The following VRK1 variants were observed in gnomAD, a reference collection of about 807,000 sequenced individuals.
VRK1 encodes serine/threonine-protein kinase VRK1.
A neutral mutation model predicts 57.1 loss-of-function variants in VRK1; 33 were observed. That is an observed-to-expected ratio of 0.58 (90% CI 0.44 to 0.77). The LOEUF (loss-of-function observed/expected upper bound fraction) is 0.77, where lower values mean the gene tolerates loss of function less well. Ranked by LOEUF, VRK1 falls within the 30% of genes least tolerant of loss-of-function variation. VRK1 has a pLI of 0.00. For synonymous variants in VRK1, 137 were observed against 147.8 expected (o/e 0.93, Z 0.53); for missense variants, 413 against 477.3 (o/e 0.87, Z 1.25).
At chr14:96,861,828 CTG>C (rs146194963) in intron 11 of VRK1, among the ~76,000 whole-genome samples, 9,676 of 152,050 alleles carry the variant, frequency 0.064, 348 homozygotes, top group South Asian at 0.11. Flanking sequence ...GTGCTGAAAA[CTG>C]TATCTGTTTG....
chr14:96,802,709 AT>A (rs1198134177), intron 1 of VRK1, among the ~76,000 whole-genome samples: 2 of 152,224 alleles, frequency 1.3e-5, no homozygotes, highest in African/African-American at 4.8e-5. Flanking sequence ...AAAAGCTGAC[AT>A]TTCAATAAGT....
chr14:96,826,265 A>G (rs1024229500), intron 1 of VRK1, among the ~76,000 whole-genome samples: 1 of 152,222 alleles, frequency 6.6e-6, no homozygotes, highest in African/African-American at 2.4e-5. Flanking sequence ...ATTGTTGCAG[A>G]TATAAAAGTT....
chr14:96,862,328 A>G (rs115302031), intron 11 of VRK1, among the ~76,000 whole-genome samples: 2,252 of 152,298 alleles, frequency 0.015, 64 homozygotes, highest in African/African-American at 0.051. Flanking sequence ...AAAAAAATGA[A>G]TACTAAGTTG....
At chr14:96,847,151 T>G in intron 4 of VRK1, 106 bp from the exon 5 acceptor site, 2 of 819,180 alleles carry the variant, frequency 2.4e-6, no homozygotes, top group Non-Finnish European at 4.1e-6. Flanking sequence ...TGAATACAGG[T>G]GAATTCTTAT....
intron 1 of VRK1, among the ~76,000 whole-genome samples, chr14:96,832,178 G>A (rs1189958234): frequency 2.0e-5 from 3 of 152,040 alleles, no homozygotes; most frequent in Non-Finnish European, 4.4e-5. Flanking sequence ...TTGTGTATTT[G>A]GAGTGATAGT....
At chr14:96,818,317 CTATACCAAAACATTT>C (rs1191773678) in intron 1 of VRK1, among the ~76,000 whole-genome samples, 1 of 152,178 alleles carries the variant, frequency 6.6e-6, no homozygotes, top group Non-Finnish European at 1.5e-5. Context: ...ATTTTACTCA[CTATACCAAAACATTT>C]TATAACCTAA....
chr14:96,815,718 A>C (rs1400213986), intron 1 of VRK1, among the ~76,000 whole-genome samples: 2 of 151,040 alleles, frequency 1.3e-5, no homozygotes, highest in Non-Finnish European at 2.9e-5. Flanking sequence ...ACCTCACTCT[A>C]CTAAAAAAAA....
intron 1 of VRK1, among the ~76,000 whole-genome samples, chr14:96,813,420 A>G (rs1318085143): frequency 6.6e-6 from 1 of 152,172 alleles, no homozygotes; most frequent in Non-Finnish European, 1.5e-5. Flanking sequence ...AATCTAGAAG[A>G]TAGTCTCATT....
At chr14:96,846,913 A>T (rs1202810631) in intron 4 of VRK1, among the ~76,000 whole-genome samples, 1 of 151,970 alleles carries the variant, frequency 6.6e-6, no homozygotes, top group Non-Finnish European at 1.5e-5. Context: ...GAGGGACTTG[A>T]GCATCTGGAT....
intron 2 of VRK1, among the ~76,000 whole-genome samples, chr14:96,834,852 T>C (rs1251620120): frequency 6.6e-6 from 1 of 152,172 alleles, no homozygotes; most frequent in Non-Finnish European, 1.5e-5. Context: ...ATTTTTGATC[T>C]TGTGATGGAG....
chr14:96,797,564 G>C (rs1214556052), intron 1 of VRK1, 117 bp downstream of exon 1: 1 of 151,798 alleles, frequency 6.6e-6, no homozygotes, highest in African/African-American at 2.4e-5. Flanking sequence ...TGGGTCCACC[G>C]GGGTGCGGGA....
chr14:96,860,503 G>T, intron 10 of VRK1, 54 bp from the exon 11 acceptor site: 1 of 1,499,798 alleles, frequency 6.7e-7, no homozygotes, highest in Admixed American at 1.9e-5. Flanking sequence ...ATTTTTTTTA[G>T]AGGTTAGAGA....
chr14:96,880,280 T>G (rs1300235952), intron 12 of VRK1, among the ~76,000 whole-genome samples: 3 of 152,202 alleles, frequency 2.0e-5, no homozygotes, highest in Admixed American at 2.0e-4. Flanking sequence ...CAAAGAATGT[T>G]TCGTACTTTT....
intron 11 of VRK1, among the ~76,000 whole-genome samples, chr14:96,868,668 C>G (rs1888680707): frequency 6.6e-6 from 1 of 151,922 alleles, no homozygotes; most frequent in Non-Finnish European, 1.5e-5. Context: ...TGAATGGTGC[C>G]CAGCAGAATT....
chr14:96,830,251 A>G (rs1886952126), intron 1 of VRK1, among the ~76,000 whole-genome samples: 1 of 152,120 alleles, frequency 6.6e-6, no homozygotes, highest in African/African-American at 2.4e-5. Flanking sequence ...TGTTTAAATG[A>G]AGTTCAGGAA....
At chr14:96,819,128 C>T (rs1362700882) in intron 1 of VRK1, among the ~76,000 whole-genome samples, 1 of 152,164 alleles carries the variant, frequency 6.6e-6, no homozygotes, top group African/African-American at 2.4e-5. Context: ...TGTAGTTTGG[C>T]AGGAGGCCAG....
At chr14:96,843,452 T>C (rs898624066) in intron 3 of VRK1, among the ~76,000 whole-genome samples, 22 of 152,234 alleles carry the variant, frequency 1.4e-4, no homozygotes, top group Admixed American at 2.0e-4. Flanking sequence ...ACTGATGTTA[T>C]GAGAAGTGAC....
At chr14:96,828,615 C>T (rs371645224) in intron 1 of VRK1, among the ~76,000 whole-genome samples, 16 of 152,046 alleles carry the variant, frequency 1.1e-4, no homozygotes, top group African/African-American at 3.9e-4. Context: ...AGTCTTGTTC[C>T]TAAATAAAAT....
In VRK1 at chr14:96,876,113, A is replaced by G; in HGVS notation, c.1152A>G (p.Ile384Met). ...EWSNTQTEEA[I>M]QTRSRTRKRV... ...CAAACACACAGACAGAGGAGGCCAT[A>G]CAGACCCGTAAGTTGAACAGTTTTG... Residue 384 changes from isoleucine (I) to methionine (M), a missense_variant, in exon 12 of 13, where the codon ATA becomes ATG. Around this residue, in one of 3 missense-constraint regions of VRK1, gnomAD observed 146 missense variants for 138.2 expected, o/e 1.06. Transcript: ENST00000216639. 3 of 1,613,586 alleles carry G rather than the reference A, an allele frequency of 1.9e-6. No individual in the cohort carries two copies. Among genetic ancestry groups the G allele is most frequent in the Non-Finnish European group, 2.5e-6 (3 of 1,179,588 alleles).
Sources: gnomAD v4.1 joint callset for allele counts (sites outside exome capture counted in the v4.1 genomes callset) on GRCh38, gnomAD v4.1.1 for gene constraint, gnomAD v4.1.1 regional missense constraint, MANE v1.5 for transcripts, NCBI Gene and HGNC (gene_info 2026-07-23, HGNC 2026-07-21) for gene names.